UBE2R2: variants seen among roughly 807,000 people sequenced by gnomAD.
The protein encoded by UBE2R2 is ubiquitin-conjugating enzyme E2 R2.
Under a neutral mutation model 27.8 loss-of-function variants are expected in UBE2R2, and 1 was observed. The ratio of observed to expected loss-of-function variants is 0.04; its 90% CI spans 0.01 to 0.17. UBE2R2 has a LOEUF of 0.17. Among genes scored for constraint, UBE2R2 ranks in the 10% least tolerant of loss-of-function variants. UBE2R2 has a pLI of 1.00. For missense variants in UBE2R2, 100 were observed against 291.0 expected, an observed-to-expected ratio of 0.34 and a Z score of 4.78; for synonymous variants, 106 against 113.3, an observed-to-expected ratio of 0.94 and a Z score of 0.41.
chr9:33,919,227 T>A lies in UBE2R2; in HGVS notation c.*1990T>A, dbSNP rs1395412399. The A allele has an allele frequency of 6.6e-6, 1 of 152,250 alleles. No homozygotes were observed. Among genetic ancestry groups the A allele is most frequent in the East Asian group, 1.9e-4 (1 of 5,196 alleles). 9.4% of individuals were successfully genotyped at this position (152,250 alleles called of 1,614,324 possible). On this transcript the variant is annotated 3_prime_UTR_variant, in exon 5 of 5. Transcript: ENST00000263228. ...CTTTTTACTCCCCATACTTTGTAAGTAATGCTTCCAGATTAACCTGCAAAT... is the reference window on the plus strand; with the variant it reads ...CTTTTTACTCCCCATACTTTGTAAGAAATGCTTCCAGATTAACCTGCAAAT...
intron 1 of UBE2R2, among the ~76,000 whole-genome samples, chr9:33,848,201 T>C (rs1285326990): frequency 6.6e-6 from 1 of 152,330 alleles, no homozygotes; most frequent in African/African-American, 2.4e-5. Context: ...ATTTCATAAA[T>C]TCATTTTGTG....
intron 1 of UBE2R2, 105 bp downstream of exon 1, chr9:33,818,039 A>AG (rs1224530246): frequency 3.7e-5 from 48 of 1,286,644 alleles, no homozygotes; most frequent in Non-Finnish European, 4.9e-5. Flanking sequence ...GGGCGAGTGG[A>AG]GGGGGCTTCT....
At chr9:33,862,599 G>A (rs1821264830) in intron 1 of UBE2R2, among the ~76,000 whole-genome samples, 1 of 152,064 alleles carries the variant, frequency 6.6e-6, no homozygotes, top group African/African-American at 2.4e-5. Flanking sequence ...TTTGCTTATA[G>A]GAGTGGTTTT....
upstream of UBE2R2, among the ~76,000 whole-genome samples, chr9:33,816,368 A>G (rs568372837): frequency 3.2e-4 from 48 of 152,296 alleles, no homozygotes; most frequent in Non-Finnish European, 4.6e-4. Context: ...ACAAGCACCT[A>G]TAGGGAACTT....
At chr9:33,906,924 A>G (rs745988249) in intron 3 of UBE2R2, among the ~76,000 whole-genome samples, 2 of 152,126 alleles carry the variant, frequency 1.3e-5, no homozygotes, top group Admixed American at 1.3e-4. Context: ...CCAGCTACTC[A>G]GGAGGCTGAG....
chr9:33,848,560 G>A (rs1820894544), intron 1 of UBE2R2, among the ~76,000 whole-genome samples: 1 of 152,000 alleles, frequency 6.6e-6, no homozygotes, highest in Non-Finnish European at 1.5e-5. Flanking sequence ...GACTACAGAA[G>A]ATTGAATTCT....
chr9:33,857,467 C>G (rs1042294866), intron 1 of UBE2R2, among the ~76,000 whole-genome samples: 5 of 151,902 alleles, frequency 3.3e-5, no homozygotes, highest in Admixed American at 1.3e-4. Context: ...TACAGGTGTG[C>G]GCCACCACAC....
intron 2 of UBE2R2, among the ~76,000 whole-genome samples, chr9:33,889,404 C>T (rs1362458147): frequency 6.6e-6 from 1 of 151,910 alleles, no homozygotes; most frequent in Non-Finnish European, 1.5e-5. Flanking sequence ...CAGGGTTTCA[C>T]CGTGTTAGCC....
chr9:33,844,373 T>A (rs1490779844), intron 1 of UBE2R2, among the ~76,000 whole-genome samples: 1 of 152,026 alleles, frequency 6.6e-6, no homozygotes, highest in Admixed American at 6.6e-5. Context: ...CCCAGCTGAT[T>A]TTGTATTTTC....
chr9:33,871,100 A>AT (rs2130779751), intron 1 of UBE2R2, among the ~76,000 whole-genome samples: 1 of 152,294 alleles, frequency 6.6e-6, no homozygotes, highest in African/African-American at 2.4e-5. Context: ...ATTTTACCTG[A>AT]ATGTCTCAGC....
At chr9:33,879,950 A>C (rs1563998508) in intron 1 of UBE2R2, among the ~76,000 whole-genome samples, 1 of 151,228 alleles carries the variant, frequency 6.6e-6, no homozygotes, top group African/African-American at 2.4e-5. Flanking sequence ...TGGCAAGGTT[A>C]TGATTCACTG....
intron 1 of UBE2R2, among the ~76,000 whole-genome samples, chr9:33,848,418 A>C (rs1820891839): frequency 6.6e-6 from 1 of 152,088 alleles, no homozygotes; most frequent in African/African-American, 2.4e-5. Context: ...CTAAGATGAT[A>C]TCTTTCTCCC....
intron 4 of UBE2R2, among the ~76,000 whole-genome samples, chr9:33,912,717 C>T (rs72727324): frequency 0.2 from 30,025 of 151,928 alleles, 3,251 homozygotes; most frequent in South Asian, 0.33. Context: ...TCATTATCAG[C>T]AACACTAATG....
At chr9:33,827,341 T>C (rs1820336695) in intron 1 of UBE2R2, among the ~76,000 whole-genome samples, 2 of 151,974 alleles carry the variant, frequency 1.3e-5, no homozygotes, top group Non-Finnish European at 2.9e-5. Flanking sequence ...AATAAATAAG[T>C]TAAATTAAAA....
intron 1 of UBE2R2, among the ~76,000 whole-genome samples, chr9:33,833,357 G>A (rs1021456112): frequency 7.2e-5 from 11 of 152,080 alleles, no homozygotes; most frequent in African/African-American, 2.4e-4. Flanking sequence ...GAGCCACCGC[G>A]CCCGACTAAT....
intron 1 of UBE2R2, among the ~76,000 whole-genome samples, chr9:33,834,401 C>T (rs552373012): frequency 2.6e-5 from 4 of 151,452 alleles, no homozygotes; most frequent in South Asian, 2.1e-4. Context: ...TTAGTAGAGA[C>T]GGGTTTCACC....
rs369129826 is a variant in UBE2R2 at position 33,834,371 on chromosome 9, C to T, written c.177+16437C>T. Among the ~76,000 whole-genome samples the T allele has an allele frequency of 1.8e-4, 28 of 151,702 alleles. No individual in the cohort carries two copies. In the East Asian group the frequency reaches 2.2e-3, roughly 12 times the overall value. ...GAATTATAGGCACAAACCACCTCAC[C>T]CAGCTGATTTTTTGTATTTTTAGTA... is the stretch of plus-strand genomic sequence containing the variant. On this transcript the variant is annotated intron_variant, in intron 1 of 4. Coordinates refer to ENST00000263228, the MANE Select transcript of UBE2R2 (RefSeq NM_017811.4).
Position 33,817,526 on chromosome 9 carries a change from C to T in UBE2R2, c.-232C>T. ...CTAACTCCCTCGACCTCTCCTCTCG[C>T]CCGGCCCGAGTGTGAGGAGAAGGGC... is the stretch of plus-strand genomic sequence containing the variant. On this transcript the variant is annotated 5_prime_UTR_variant, in exon 1 of 5. Transcript: ENST00000263228. The T allele has an allele frequency of 4.0e-6, 1 of 248,734 alleles. No homozygotes were observed. The allele number at this position is 248,734 out of a possible 1,614,324, so 15.4% of individuals were successfully genotyped here.
chr9:33,880,398 C>T (rs574163939), intron 1 of UBE2R2, among the ~76,000 whole-genome samples: 63 of 152,124 alleles, frequency 4.1e-4, no homozygotes, highest in African/African-American at 1.1e-3. Flanking sequence ...TGTACAGTTA[C>T]GTAATTTCCA....
Sources: gnomAD v4.1 joint callset for allele counts (sites outside exome capture counted in the v4.1 genomes callset) on GRCh38, gnomAD v4.1.1 for gene constraint, MANE v1.5 for transcripts, NCBI Gene and HGNC (gene_info 2026-07-23, HGNC 2026-07-21) for gene names.